The following RANBP9 variants were observed in gnomAD, a reference collection of about 807,000 sequenced individuals.
The protein encoded by RANBP9 is ran-binding protein 9.
In RANBP9, 15 loss-of-function variants were observed where a neutral mutation model predicts 84.3. That is an observed-to-expected ratio of 0.18 (90% confidence interval 0.12 to 0.27). The LOEUF is 0.27. Among genes scored for constraint, RANBP9 ranks in the 10% least tolerant of loss-of-function variants. The pLI, the probability that RANBP9 is intolerant of heterozygous loss-of-function variation, is 1.00. For missense variants in RANBP9, 809 were observed against 912.8 expected (o/e 0.89, Z 1.46); for synonymous variants, 392 against 349.6 (o/e 1.12, Z -1.35).
intron 2 of RANBP9, among the ~76,000 whole-genome samples, chr6:13,667,055 G>A (rs1765666912): frequency 6.6e-6 from 1 of 152,152 alleles, no homozygotes; most frequent in African/African-American, 2.4e-5. Context: ...CAAAATTTAT[G>A]TGAACAAGAA....
Position 13,711,529 on chromosome 6 carries a change from C to A in RANBP9, c.-24G>T. On this transcript the variant is annotated 5_prime_UTR_variant, in exon 1 of 14. Transcript: ENST00000011619. ...ATCCCGGCCGCGACTCAGCCTGCGG[C>A]CACCTCCACCTCTTCTCTCCTTCCT... The A allele has an allele frequency of 8.0e-7, 1 of 1,243,022 alleles. No individual in the cohort carries two copies. The highest frequency in any genetic ancestry group is 1.0e-6 in the Non-Finnish European group (1 of 989,250). The allele number at this position is 1,243,022 out of a possible 1,614,324, so 77.0% of individuals were successfully genotyped here. A position where few individuals can be genotyped will look rare whatever the true frequency, so the allele number is the denominator to read the frequency against.
intron 5 of RANBP9, among the ~76,000 whole-genome samples, chr6:13,647,369 C>T (rs1354537147): frequency 6.6e-6 from 1 of 152,022 alleles, no homozygotes; most frequent in Non-Finnish European, 1.5e-5. Context: ...AGTGCATTCT[C>T]ATTTCAGAAA....
chr6:13,702,985 A>G (rs1023698511), intron 1 of RANBP9, among the ~76,000 whole-genome samples: 7 of 152,160 alleles, frequency 4.6e-5, no homozygotes, highest in African/African-American at 1.2e-4. Flanking sequence ...TGCAACAGAC[A>G]CTAAATATCA....
intron 5 of RANBP9, among the ~76,000 whole-genome samples, chr6:13,650,791 C>A (rs931427759): frequency 6.6e-6 from 1 of 152,016 alleles, no homozygotes; most frequent in Non-Finnish European, 1.5e-5. Flanking sequence ...GGCGAAACCC[C>A]GTCTCTACCA....
At position 13,711,500 on chromosome 6, in the gene RANBP9, G is replaced by A. The variant is rs765339922; in HGVS notation, c.6C>T (p.Ser2=). The change falls in exon 1 of 14, where the codon TCC becomes TCT. Residue 2 remains serine, a synonymous_variant. Coordinates refer to ENST00000011619, the MANE Select transcript of RANBP9 (RefSeq NM_005493.3). Reference sequence around the variant, plus strand: ...GCGGCGGCGGCGGCGGCGGCTGCCCGGACATCCCGGCCGCGACTCAGCCTG... The same window carrying A: ...GCGGCGGCGGCGGCGGCGGCTGCCCAGACATCCCGGCCGCGACTCAGCCTG... M[S]GQPPPPPPQQ... is the part of the protein sequence containing the mutation. The A allele has an allele frequency of 1.8e-5, 22 of 1,248,970 alleles. No individual in the cohort carries two copies. The highest frequency in any genetic ancestry group is 6.3e-5 in the East Asian group (2 of 31,892). The allele number at this position is 1,248,970 out of a possible 1,614,324, so 77.4% of individuals were successfully genotyped here.
intron 11 of RANBP9, among the ~76,000 whole-genome samples, chr6:13,633,273 A>ATCCGCCCACCTCGGCC (rs1764842329): frequency 6.6e-6 from 1 of 152,200 alleles, no homozygotes; most frequent in Admixed American, 6.5e-5. Flanking sequence ...TGACCTTGTG[A>ATCCGCCCACCTCGGCC]TCCGCCCACC....
At chr6:13,676,474 G>C (rs1035804167) in intron 2 of RANBP9, among the ~76,000 whole-genome samples, 1 of 151,944 alleles carries the variant, frequency 6.6e-6, no homozygotes, top group South Asian at 2.1e-4. Context: ...TTACCCTAAT[G>C]CCAAAACCAA....
intron 2 of RANBP9, among the ~76,000 whole-genome samples, chr6:13,683,546 C>T (rs1766094944): frequency 6.6e-6 from 1 of 151,996 alleles, no homozygotes; most frequent in Non-Finnish European, 1.5e-5. Flanking sequence ...GACTCAAATA[C>T]ATCTTAAACC....
intron 10 of RANBP9, among the ~76,000 whole-genome samples, chr6:13,636,411 T>C (rs1290935213): frequency 1.3e-5 from 2 of 152,236 alleles, no homozygotes; most frequent in African/African-American, 4.8e-5. Context: ...TTTCTTTCCC[T>C]TTTATACTGC....
intron 2 of RANBP9, among the ~76,000 whole-genome samples, chr6:13,688,521 T>C (rs1039241173): frequency 1.1e-4 from 17 of 152,148 alleles, no homozygotes; most frequent in African/African-American, 3.9e-4. Flanking sequence ...CATGTTCATT[T>C]CCCTTCTTAC....
intron 5 of RANBP9, among the ~76,000 whole-genome samples, chr6:13,648,952 G>C (rs1765233896): frequency 6.6e-6 from 1 of 152,078 alleles, no homozygotes; most frequent in East Asian, 1.9e-4. Flanking sequence ...AAACTGGTGA[G>C]GTAAGCTGAG....
chr6:13,632,613 T>A, intron 11 of RANBP9, 92 bp from the exon 12 acceptor site: 1 of 1,186,952 alleles, frequency 8.4e-7, no homozygotes, highest in Non-Finnish European at 1.2e-6. Context: ...TTTGTACATT[T>A]AGTAACTATT....
intron 12 of RANBP9, among the ~76,000 whole-genome samples, chr6:13,629,915 C>CGTGTGTG (rs1465606638): frequency 3.2e-5 from 4 of 126,228 alleles, no homozygotes; most frequent in African/African-American, 1.2e-4. Flanking sequence ...CTCTCTCTCT[C>CGTGTGTG]TCTCTCGTGT....
intron 1 of RANBP9, among the ~76,000 whole-genome samples, chr6:13,708,224 C>G (rs559504814): frequency 6.6e-6 from 1 of 152,154 alleles, no homozygotes; most frequent in East Asian, 1.9e-4. Context: ...ACATTCAACA[C>G]TAGCCTAGGC....
intron 4 of RANBP9, among the ~76,000 whole-genome samples, chr6:13,653,153 A>T (rs963925100): frequency 1.3e-5 from 2 of 152,156 alleles, no homozygotes; most frequent in Non-Finnish European, 2.9e-5. Flanking sequence ...AAAATACAGT[A>T]TATTTTTGCT....
chr6:13,639,545 T>G lies in RANBP9; in HGVS notation c.1525+18A>C, dbSNP rs766640613. The G allele has an allele frequency of 3.6e-5, 56 of 1,571,312 alleles. No homozygotes were observed. Among genetic ancestry groups the G allele is most frequent in the Non-Finnish European group, 4.6e-5 (53 of 1,142,812 alleles). On this transcript the variant is annotated intron_variant, in intron 9 of 13. Transcript: ENST00000011619. ...AAAGAGGAAAAATCTAAAAATAATG[T>G]CATAAGTTAAATCTCACCTGAAAAA...
At chr6:13,662,066 TGAC>T (rs748009444) in intron 2 of RANBP9, among the ~76,000 whole-genome samples, 6 of 152,270 alleles carry the variant, frequency 3.9e-5, no homozygotes, top group African/African-American at 1.2e-4. Flanking sequence ...AAGAACTATC[TGAC>T]GACATACTTT....
At chr6:13,703,488 C>T (rs1203157236) in intron 1 of RANBP9, among the ~76,000 whole-genome samples, 3 of 152,226 alleles carry the variant, frequency 2.0e-5, no homozygotes, top group Non-Finnish European at 2.9e-5. Context: ...CCCAGACTAT[C>T]CTTGTACCAG....
At chr6:13,652,525 C>T in intron 5 of RANBP9, 134 bp downstream of exon 5, 1 of 830,078 alleles carries the variant, frequency 1.2e-6, no homozygotes, top group Non-Finnish European at 1.8e-6. Flanking sequence ...GAAAAGATCT[C>T]TTTCTTTGCA....
Sources: gnomAD v4.1 joint callset for allele counts (sites outside exome capture counted in the v4.1 genomes callset) on GRCh38, gnomAD v4.1.1 for gene constraint, MANE v1.5 for transcripts, NCBI Gene and HGNC (gene_info 2026-07-23, HGNC 2026-07-21) for gene names.